KBTBD4: variants seen among roughly 807,000 people sequenced by gnomAD.
KBTBD4 encodes the protein kelch repeat and BTB domain containing 4, also known as kelch repeat and BTB domain-containing protein 4.
In KBTBD4, 30 loss-of-function variants were observed where a neutral mutation model predicts 43.9. That is an observed-to-expected ratio of 0.68 (90% confidence interval 0.51 to 0.93). The LOEUF (loss-of-function observed/expected upper bound fraction) is 0.93, where lower values mean the gene tolerates loss of function less well. KBTBD4 is among the 40% of genes least tolerant of loss of function. KBTBD4 has a pLI of 0.00. For synonymous variants in KBTBD4, 258 were observed against 256.9 expected (o/e 1.00, Z -0.04); for missense variants, 575 against 668.8 (o/e 0.86, Z 1.55).
rs372890651 is a variant in KBTBD4, at chr11:47,577,930, G to A, written c.118C>T (p.Arg40Trp). Residue 40 changes from arginine (R) to tryptophan (W), a missense_variant, in exon 2 of 4, where the codon CGG (arginine) becomes TGG (tryptophan). Coordinates refer to ENST00000430070, the MANE Select transcript of KBTBD4 (RefSeq NM_018095.6). ...TGAGCCACACGGCCTGAATGTGACC[G>A]ATCTTTGAAAGTGTAGTTCACAAAG... The part of the protein sequence containing the change: ...NYFVNYTFKD[R>W]SHSGRVAQGI... The A allele has an allele frequency of 1.8e-5, 29 of 1,614,050 alleles. No homozygotes were observed. The African/African-American group carries it at 3.5e-4, about 19-fold the overall frequency.
At chr11:47,575,778 C>A in intron 2 of KBTBD4, 79 bp from the exon 3 acceptor site, 4 of 873,290 alleles carry the variant, frequency 4.6e-6, no homozygotes, top group Non-Finnish European at 7.4e-6. Context: ...AAGATGTGAA[C>A]CACTTTATTA....
chr11:47,578,904 T>A (rs940018684), intron 1 of KBTBD4, 29 bp downstream of exon 1: 15 of 1,551,506 alleles, frequency 9.7e-6, no homozygotes, highest in African/African-American at 1.4e-5. Context: ...ACCTCACGAT[T>A]TCCCTACCTG....
rs1374364230 is a variant in KBTBD4 at position 47,573,666 on chromosome 11, C to T, written c.869G>A (p.Cys290Tyr). ...CTTGCAGGCCGCAGTGATCTGGTGGCACAAACTGTTTTGGCCACTTACACT... is the reference window on the plus strand; with the variant it reads ...CTTGCAGGCCGCAGTGATCTGGTGGTACAAACTGTTTTGGCCACTTACACT... ...SISVSGQNSL[C>Y]HQITAACKHG... is the part of the protein sequence containing the mutation. Residue 290 changes from cysteine to tyrosine, a missense_variant, in exon 4 of 4, where the codon TGC becomes TAC. Coordinates refer to ENST00000430070, the MANE Select transcript of KBTBD4 (RefSeq NM_018095.6). This position sits in a 1 kb window ranked among gnomAD's most constrained non-coding sequence, Gnocchi z 4.1. The T allele has an allele frequency of 1.2e-5, 19 of 1,613,096 alleles. No homozygotes were observed. The highest frequency in any genetic ancestry group is 1.6e-5 in the Non-Finnish European group (19 of 1,180,038).
chr11:47,578,896 C>T (rs1277611070), intron 1 of KBTBD4, 37 bp downstream of exon 1: 2 of 1,551,488 alleles, frequency 1.3e-6, no homozygotes, highest in Admixed American at 3.9e-5. Context: ...CCACGCTCAC[C>T]TCACGATTTC....
chr11:47,573,215 G>A lies in KBTBD4; in HGVS notation c.1320C>T (p.His440=), dbSNP rs146486534. Residue 440 remains histidine, a synonymous_variant, in exon 4 of 4, where the codon CAC becomes CAT. Transcript: ENST00000430070. The surrounding 1 kb of genome is among the most constrained non-coding windows in gnomAD (Gnocchi z 4.1). ...ACACCAGATCTTTATGCACAGCTGC[G>A]TGCATGCGGCCTGCAAAGGGCAGCA... ...PYVLPFAGRM[H]AAVHKDLVFI... 1.0e-4 allele frequency: 166 copies of A among 1,614,146 alleles called. 1 individual carries two copies. Among genetic ancestry groups the A allele is most frequent in the Middle Eastern group, 6.6e-4 (4 of 6,062 alleles).
Position 47,572,964 on chromosome 11 carries a change from A to C in KBTBD4, c.1571T>G (p.Val524Gly). ...CACAAACTGCAAATTGGTAAGCAGCACCTTAATACCTCTTGTGACAGTTAC... is the reference window on the plus strand; with the variant it reads ...CACAAACTGCAAATTGGTAAGCAGCCCCTTAATACCTCTTGTGACAGTTAC... ...SAVTVTRGIK[V>G]LLTNLQFVLA The change falls in exon 4 of 4, where the codon GTG becomes GGG. Residue 524 changes from valine (V) to glycine (G), a missense_variant. By Grantham distance (109) the Val-to-Gly change is moderately radical. Coordinates refer to ENST00000430070, the MANE Select transcript of KBTBD4 (RefSeq NM_018095.6). 6.2e-7 allele frequency: 1 copy of C among 1,614,142 alleles called. No individual in the cohort carries two copies. The highest frequency in any genetic ancestry group is 8.5e-7 in the Non-Finnish European group (1 of 1,180,002).
chr11:47,578,507 A>G, intron 1 of KBTBD4: 4 of 642,228 alleles, frequency 6.2e-6, no homozygotes, highest in South Asian at 1.8e-5. Context: ...GACGCTCCAT[A>G]TGAAGCCTAG....
chr11:47,574,564 G>A (rs971306077), intron 3 of KBTBD4, among the ~76,000 whole-genome samples: 88 of 151,912 alleles, frequency 5.8e-4, no homozygotes, highest in African/African-American at 2.1e-3. Context: ...TCAAAAAGAG[G>A]CCAGGTTAGG....
At chr11:47,574,720 C>T (rs991454888) in intron 3 of KBTBD4, among the ~76,000 whole-genome samples, 2 of 149,110 alleles carry the variant, frequency 1.3e-5, no homozygotes, top group Non-Finnish European at 3.0e-5. Context: ...TGGGCGTGGT[C>T]GTGGGCGCCT....
Position 47,575,596 on chromosome 11 carries a change from C to G in KBTBD4, c.741G>C (p.Leu247Phe), listed in dbSNP as rs2097257636. 4 of 1,602,106 alleles carry G rather than the reference C, an allele frequency of 2.5e-6. No homozygotes were observed. Among genetic ancestry groups the G allele is most frequent in the Non-Finnish European group, 3.4e-6 (4 of 1,169,446 alleles). Residue 247 changes from leucine (L) to phenylalanine (F), a missense_variant, in exon 3 of 4, where the codon TTG becomes TTC. By Grantham distance (22) the Leu-to-Phe change is conservative (BLOSUM62 0). Transcript: ENST00000430070. Reference sequence around the variant, plus strand: ...ACAATTAAGAGATTTGCCTTACCTTCAAGCTTGTCCTGAGTGACTCTGCAA... The same window carrying G: ...ACAATTAAGAGATTTGCCTTACCTTGAAGCTTGTCCTGAGTGACTCTGCAA... ...EAFAESLRTS[L>F]KEIGENVHIY... is the part of the protein sequence containing the mutation.
chr11:47,578,462 G>T, intron 1 of KBTBD4: 1 of 583,910 alleles, frequency 1.7e-6, no homozygotes, highest in Non-Finnish European at 3.0e-6. Flanking sequence ...CCGGCCTAGT[G>T]GCCAGGTCCT....
Position 47,572,705 on chromosome 11 carries a change from A to G in KBTBD4, c.*225T>C. On this transcript the variant is annotated 3_prime_UTR_variant, in exon 4 of 4. Transcript: ENST00000430070. Reference sequence around the variant, plus strand: ...GTGGTGAGGCACAGGATGACTAGGGAATGGCAGAGAACAGGCTGGCCTACT... The same window carrying G: ...GTGGTGAGGCACAGGATGACTAGGGGATGGCAGAGAACAGGCTGGCCTACT... 1.8e-6 allele frequency: 1 copy of G among 567,862 alleles called. No homozygotes were observed. Among genetic ancestry groups the G allele is most frequent in the South Asian group, 2.3e-5 (1 of 43,104 alleles). 35.2% of individuals were successfully genotyped at this position (567,862 alleles called of 1,614,324 possible).
Position 47,573,727 on chromosome 11 carries a change from C to T in KBTBD4, c.808G>A (p.Ala270Thr). ...TCTTCTGCACAGTGCAAGGACACAG[C>T]CAACGAGTGGGTACGAGATGACTCT... ...GKESSRTHSL[A>T]VSLHCAEDDS... is the part of the protein sequence containing the mutation. The change falls in exon 4 of 4, where the codon GCT becomes ACT. Residue 270 changes from alanine to threonine, a missense_variant. Transcript: ENST00000430070. The surrounding 1 kb of genome is among the most constrained non-coding windows in gnomAD (Gnocchi z 4.1). 6.3e-7 allele frequency: 1 copy of T among 1,597,488 alleles called. No individual in the cohort carries two copies.
At chr11:47,575,918 G>A (rs1055076958) in intron 2 of KBTBD4, among the ~76,000 whole-genome samples, 3 of 149,190 alleles carry the variant, frequency 2.0e-5, no homozygotes, top group Non-Finnish European at 4.4e-5. Flanking sequence ...GTGCAATGGC[G>A]CAATCACCAT....
At position 47,573,003 on chromosome 11, in the gene KBTBD4, G is replaced by A. The variant is rs1368947671; in HGVS notation, c.1532C>T (p.Pro511Leu). The change falls in exon 4 of 4, where the codon CCT becomes CTT. Residue 511 changes from proline to leucine, a missense_variant. Coordinates refer to ENST00000430070, the MANE Select transcript of KBTBD4 (RefSeq NM_018095.6). The surrounding 1 kb of genome is among the most constrained non-coding windows in gnomAD (Gnocchi z 4.1). Reference sequence around the variant, plus strand: ...TGTGACAGTTACGGCTGAAGTGGCAGGGTCAAGCTTGTAGGTGTTGGCATC... The same window carrying A: ...TGTGACAGTTACGGCTGAAGTGGCAAGGTCAAGCTTGTAGGTGTTGGCATC... Reference protein sequence around the residue: ...KGDANTYKLDPATSAVTVTRG... With the variant: ...KGDANTYKLDLATSAVTVTRG... 6.2e-7 allele frequency: 1 copy of A among 1,614,186 alleles called. No homozygotes were observed. Among genetic ancestry groups the A allele is most frequent in the South Asian group, 1.1e-5 (1 of 91,086 alleles).
At chr11:47,577,044 T>C (rs2097260992) in intron 2 of KBTBD4, among the ~76,000 whole-genome samples, 1 of 152,200 alleles carries the variant, frequency 6.6e-6, no homozygotes, top group Non-Finnish European at 1.5e-5. Context: ...CGTTGGCCCA[T>C]CACTAAAAAA....
At chr11:47,578,139 A>C (rs2097263802) in intron 1 of KBTBD4, 111 bp from the exon 2 acceptor site, 3 of 1,269,830 alleles carry the variant, frequency 2.4e-6, no homozygotes, top group Non-Finnish European at 3.3e-6. Context: ...AAGTGGGTCC[A>C]GATTGGCCTT....
At chr11:47,575,521 A>G in intron 3 of KBTBD4, 72 bp downstream of exon 3, 2 of 998,556 alleles carry the variant, frequency 2.0e-6, no homozygotes, top group South Asian at 2.8e-5. Context: ...AAAAAAAAAA[A>G]GAGGCCAAAT....
In KBTBD4 at chr11:47,573,463, C is replaced by G; in HGVS notation, c.1072G>C (p.Asp358His). Residue 358 changes from aspartate (D) to histidine (H), a missense_variant, in exon 4 of 4, where the codon GAT (aspartate) becomes CAT (histidine). Asp to His is a moderately conservative substitution (Grantham distance 81, BLOSUM62 -1). Transcript: ENST00000430070. This position sits in a 1 kb window ranked among gnomAD's most constrained non-coding sequence, Gnocchi z 4.1. ...IYSLGGKTLQ[D>H]TLSNAVIYYR... ...TAAATGACTGCGTTGGAGAGGGTAT[C>G]TTGCAGTGTCTTGCCACCCAGTGAA... 1.2e-6 allele frequency: 2 copies of G among 1,614,228 alleles called. No individual in the cohort carries two copies. Among genetic ancestry groups the G allele is most frequent in the Non-Finnish European group, 8.5e-7 (1 of 1,180,038 alleles).
Sources: allele counts gnomAD v4.1 joint callset (sites outside exome capture counted in the v4.1 genomes callset), GRCh38; gene constraint gnomAD v4.1.1; non-coding constraint Gnocchi (gnomAD v3.1); transcripts MANE v1.5; gene names NCBI Gene and HGNC (gene_info 2026-07-23, HGNC 2026-07-21).